PCBP3: variants seen among roughly 807,000 people sequenced by gnomAD.
PCBP3 encodes poly(rC) binding protein 3.
A neutral mutation model predicts 52.7 loss-of-function variants in PCBP3; 25 were observed. The ratio of observed to expected loss-of-function variants is 0.47; its 90% confidence interval spans 0.35 to 0.66. The LOEUF (loss-of-function observed/expected upper bound fraction) is 0.66, where lower values mean the gene tolerates loss of function less well. Ranked by LOEUF, PCBP3 falls within the 30% of genes least tolerant of loss-of-function variation. The pLI is 0.01. For synonymous variants in PCBP3, 162 were observed against 183.0 expected, an observed-to-expected ratio of 0.89 and a Z score of 0.93; for missense variants, 391 against 490.3, an observed-to-expected ratio of 0.80 and a Z score of 1.91.
chr21:45,718,798 T>C (rs953287501), intron 2 of PCBP3, among the ~76,000 whole-genome samples: 1 of 152,220 alleles, frequency 6.6e-6, no homozygotes, highest in Non-Finnish European at 1.5e-5. Flanking sequence ...ACAGATGCCA[T>C]CTGCGTCCTA....
At chr21:45,930,042 ACTTTCT>A (rs2149489537) in intron 14 of PCBP3, 47 bp downstream of exon 14, 5 of 1,366,520 alleles carry the variant, frequency 3.7e-6, no homozygotes, top group Non-Finnish European at 5.2e-6. Flanking sequence ...TCACCTGGGG[ACTTTCT>A]CTTTCTGAGC....
At chr21:45,804,014 G>A (rs146611428) in intron 4 of PCBP3, among the ~76,000 whole-genome samples, 2 of 152,338 alleles carry the variant, frequency 1.3e-5, no homozygotes, top group East Asian at 3.9e-4. Flanking sequence ...TGAGACATCT[G>A]TGGTGCTTCT....
chr21:45,759,576 T>C (rs1189099151), intron 4 of PCBP3, among the ~76,000 whole-genome samples: 1 of 152,214 alleles, frequency 6.6e-6, no homozygotes, highest in African/African-American at 2.4e-5. Flanking sequence ...TAATCCACAG[T>C]AGACAGACAG....
intron 1 of PCBP3, among the ~76,000 whole-genome samples, chr21:45,659,010 A>G (rs1201899388): frequency 6.8e-6 from 1 of 146,002 alleles, no homozygotes; most frequent in African/African-American, 2.5e-5. Context: ...TTTCTTTCTG[A>G]TTTTAGTAAA....
At chr21:45,706,742 G>T (rs2083474552) in intron 2 of PCBP3, among the ~76,000 whole-genome samples, 1 of 152,242 alleles carries the variant, frequency 6.6e-6, no homozygotes, top group South Asian at 2.1e-4. Flanking sequence ...CATCCACCAT[G>T]TGCACTTAGG....
intron 5 of PCBP3, among the ~76,000 whole-genome samples, chr21:45,887,013 T>C (rs2095540179): frequency 1.3e-5 from 2 of 152,222 alleles, no homozygotes; most frequent in African/African-American, 2.4e-5. Context: ...CCAGCCTCAC[T>C]GTGCTGTCCC....
intron 4 of PCBP3, among the ~76,000 whole-genome samples, chr21:45,833,766 T>G (rs2093512018): frequency 6.6e-6 from 1 of 152,012 alleles, no homozygotes. Context: ...AGACCACAGG[T>G]GGCTGCTGTG....
At chr21:45,885,171 T>C (rs1475422176) in intron 5 of PCBP3, among the ~76,000 whole-genome samples, 1 of 152,224 alleles carries the variant, frequency 6.6e-6, no homozygotes, top group Non-Finnish European at 1.5e-5. Context: ...GATATATCAT[T>C]CCAGTTGGCA....
chr21:45,856,092 G>A (rs1030536675), intron 5 of PCBP3, among the ~76,000 whole-genome samples: 1 of 152,142 alleles, frequency 6.6e-6, no homozygotes. Context: ...ATCTTTTATG[G>A]GGGAAAGTTT....
intron 5 of PCBP3, among the ~76,000 whole-genome samples, chr21:45,888,602 T>C (rs771055923): frequency 3.9e-5 from 6 of 152,252 alleles, no homozygotes; most frequent in Non-Finnish European, 8.8e-5. Flanking sequence ...CAGCACGTGA[T>C]ACCACAGGCA....
intron 2 of PCBP3, among the ~76,000 whole-genome samples, chr21:45,683,533 T>TAA (rs2081972114): frequency 2.0e-5 from 3 of 152,330 alleles, no homozygotes; most frequent in Admixed American, 2.0e-4. Context: ...CAAATATGTA[T>TAA]AATACTGCAA....
chr21:45,926,497 CTA>C (rs959971528), intron 13 of PCBP3, among the ~76,000 whole-genome samples: 2 of 152,180 alleles, frequency 1.3e-5, no homozygotes, highest in East Asian at 1.9e-4. Context: ...TCGGAGATGA[CTA>C]TGTCAAACGG....
intron 5 of PCBP3, among the ~76,000 whole-genome samples, chr21:45,857,946 G>C (rs2094364970): frequency 1.3e-5 from 2 of 152,144 alleles, no homozygotes; most frequent in African/African-American, 4.8e-5. Context: ...GGCTCGCAGA[G>C]GGCAGGGGTG....
chr21:45,669,711 G>A (rs115727552), intron 2 of PCBP3, among the ~76,000 whole-genome samples: 46 of 149,548 alleles, frequency 3.1e-4, no homozygotes, highest in African/African-American at 3.4e-4. Context: ...TTAATGTAGC[G>A]TACTGTCTTC....
chr21:45,935,532 G>C (rs1326290600), intron 16 of PCBP3: 1 of 663,458 alleles, frequency 1.5e-6, no homozygotes, highest in Middle Eastern at 2.4e-4. Flanking sequence ...CAAGCAACAG[G>C]CTAAAGGGGA....
At chr21:45,910,212 C>G (rs1603491617) in intron 10 of PCBP3, among the ~76,000 whole-genome samples, 6 of 92,496 alleles carry the variant, frequency 6.5e-5, no homozygotes, top group Non-Finnish European at 1.1e-4. Context: ...GATACGGACC[C>G]CCCACCCACT....
At position 45,939,048 on chromosome 21, in the gene PCBP3, C is replaced by T. The variant is rs145760700; in HGVS notation, c.910-982C>T. On this transcript the variant is annotated intron_variant, in intron 16 of 17. Transcript: ENST00000681687. ...TGCTCCTGTCACTCAATTTCACCAC[C>T]GTTCTGACACCCCAGCAGCCTCACG... Among the ~76,000 whole-genome samples the T allele has an allele frequency of 8.5e-5, 13 of 152,350 alleles. No homozygotes were observed. In the East Asian group the frequency reaches 2.5e-3, roughly 29 times the overall value.
chr21:45,690,645 A>T (rs1044620316), intron 2 of PCBP3, among the ~76,000 whole-genome samples: 1 of 152,148 alleles, frequency 6.6e-6, no homozygotes, highest in African/African-American at 2.4e-5. Context: ...CTCAATAAAA[A>T]ATACCAAAAT....
chr21:45,850,938 T>A (rs2093972344), intron 5 of PCBP3, among the ~76,000 whole-genome samples: 1 of 152,082 alleles, frequency 6.6e-6, no homozygotes, highest in South Asian at 2.1e-4. Context: ...AGAAATAAAA[T>A]CATAAAAGAA....
Sources: allele counts gnomAD v4.1 joint callset (sites outside exome capture counted in the v4.1 genomes callset), GRCh38; gene constraint gnomAD v4.1.1; transcripts MANE v1.5; gene names NCBI Gene and HGNC (gene_info 2026-07-23, HGNC 2026-07-21).